The following CARF variants were observed in gnomAD, a reference collection of about 807,000 sequenced individuals.
CARF encodes the protein calcium responsive transcription factor, also known as calcium-responsive transcription factor.
In CARF, 57 loss-of-function variants were observed where a neutral mutation model predicts 82.0. The ratio of observed to expected loss-of-function variants is 0.70; its 90% confidence interval spans 0.56 to 0.87. CARF has a LOEUF of 0.87. CARF is among the 40% of genes least tolerant of loss of function. The probability of loss-of-function intolerance (pLI) is 0.00; values close to 1 mark genes in which losing one functional copy is unlikely to be tolerated. For missense variants in CARF, 771 were observed against 855.8 expected, an observed-to-expected ratio of 0.90 and a Z score of 1.24; for synonymous variants, 268 against 290.1, an observed-to-expected ratio of 0.92 and a Z score of 0.77.
chr2:202,946,605 C>T (rs1311831822), intron 5 of CARF, among the ~76,000 whole-genome samples: 1 of 152,200 alleles, frequency 6.6e-6, no homozygotes, highest in African/African-American at 2.4e-5. Context: ...GACTTCATGA[C>T]TAAAACACCA....
rs773119742 is a variant in CARF, at chr2:202,971,714, T to C, written c.1307T>C (p.Val436Ala). 6.2e-7 allele frequency: 1 copy of C among 1,612,630 alleles called. No individual in the cohort carries two copies. Among genetic ancestry groups the C allele is most frequent in the African/African-American group, 1.3e-5 (1 of 74,898 alleles). Residue 436 changes from valine to alanine, a missense_variant, in exon 12 of 17, where the codon GTG (valine) becomes GCG (alanine). Val to Ala is a moderately conservative substitution (Grantham distance 64, BLOSUM62 0). Transcript: ENST00000438828. ...QELVSQGIEQ[V>A]YAVRKQLRKF... ...TTAGTATCACAGGGAATAGAACAAGTGTATGCAGTAAGGAAACAGCTAAGG... is the reference window on the plus strand; with the variant it reads ...TTAGTATCACAGGGAATAGAACAAGCGTATGCAGTAAGGAAACAGCTAAGG...
intron 1 of CARF, among the ~76,000 whole-genome samples, chr2:202,915,856 C>T (rs1164092115): frequency 6.6e-6 from 1 of 151,624 alleles, no homozygotes; most frequent in Non-Finnish European, 1.5e-5. Flanking sequence ...GATCCGCCCA[C>T]TTTAGACTCC....
chr2:202,917,499 T>C (rs902242525), intron 1 of CARF, among the ~76,000 whole-genome samples: 1 of 152,114 alleles, frequency 6.6e-6, no homozygotes, highest in Admixed American at 6.6e-5. Context: ...AGGTAGGGCA[T>C]GGGGAGAAGA....
At chr2:202,952,724 CATAA>C in intron 6 of CARF, 45 bp downstream of exon 6, 1 of 1,552,710 alleles carries the variant, frequency 6.4e-7, no homozygotes, top group Non-Finnish European at 8.7e-7. Context: ...GTTTTAAAAA[CATAA>C]ATATTTTAGA....
At chr2:202,922,134 A>G (rs185598449) in intron 2 of CARF, among the ~76,000 whole-genome samples, 67 of 152,090 alleles carry the variant, frequency 4.4e-4, no homozygotes, top group Non-Finnish European at 1.3e-4. Context: ...GAGCCCTTAA[A>G]AAGAAATTTT....
At chr2:202,970,939 G>C (rs2059766664) in intron 11 of CARF, among the ~76,000 whole-genome samples, 1 of 151,444 alleles carries the variant, frequency 6.6e-6, no homozygotes, top group Non-Finnish European at 1.5e-5. Flanking sequence ...GCCAGCAGGA[G>C]CTGGGAGTGC....
chr2:202,934,025 T>TA (rs1693462099), intron 3 of CARF, among the ~76,000 whole-genome samples: 2 of 152,034 alleles, frequency 1.3e-5, no homozygotes, highest in Admixed American at 1.3e-4. Context: ...ACACATAAAA[T>TA]ACACTAATGT....
At chr2:202,918,390 G>A (rs1436663828) in intron 2 of CARF, among the ~76,000 whole-genome samples, 2 of 152,022 alleles carry the variant, frequency 1.3e-5, no homozygotes, top group South Asian at 2.1e-4. Flanking sequence ...GCATGGTGGC[G>A]GGCGCCTATA....
At chr2:202,953,498 G>GTTTTTTTTTTTTTTTTTTT (rs67855316) in intron 6 of CARF, among the ~76,000 whole-genome samples, 6 of 70,294 alleles carry the variant, frequency 8.5e-5, no homozygotes, top group Admixed American at 4.8e-4. Flanking sequence ...TTTTTTTGTT[G>GTTTTTTTTTTTTTTTTTTT]TTTTTTTTTT....
At chr2:202,943,879 C>T (rs1025249864) in intron 5 of CARF, among the ~76,000 whole-genome samples, 2 of 152,106 alleles carry the variant, frequency 1.3e-5, no homozygotes, top group African/African-American at 4.8e-5. Flanking sequence ...AACTCCTGAC[C>T]TCGTTATCCA....
At chr2:202,953,941 AG>A in intron 6 of CARF, 63 bp from the exon 7 acceptor site, 2 of 1,362,506 alleles carry the variant, frequency 1.5e-6, no homozygotes, top group Non-Finnish European at 1.9e-6. Context: ...AGTTTTAGTT[AG>A]GTATATTCTT....
At chr2:202,915,267 G>A (rs1160776804) in intron 1 of CARF, among the ~76,000 whole-genome samples, 4 of 151,720 alleles carry the variant, frequency 2.6e-5, no homozygotes, top group Non-Finnish European at 5.9e-5. Context: ...TTCCCACCTC[G>A]GCCTTCAAAA....
intron 10 of CARF, among the ~76,000 whole-genome samples, chr2:202,968,493 A>C (rs2059645943): frequency 6.6e-6 from 1 of 152,082 alleles, no homozygotes; most frequent in Admixed American, 6.6e-5. Flanking sequence ...TGCAATATTA[A>C]CTTTAGGTAA....
In CARF at chr2:202,954,169, T is replaced by C. The variant is rs1221656781; in HGVS notation, c.557+35T>C. The C allele has an allele frequency of 1.9e-6, 3 of 1,592,696 alleles. No individual in the cohort carries two copies. In the Admixed American group the frequency reaches 5.5e-5, roughly 29 times the overall value. On this transcript the variant is annotated intron_variant, in intron 7 of 16. Coordinates refer to ENST00000438828, the MANE Select transcript of CARF (RefSeq NM_024744.17). ...CGGGAAAGAGAAGCTCATCTTTTAA[T>C]ATCACCATGGAAATCTTTTTACAAA...
intron 8 of CARF, among the ~76,000 whole-genome samples, chr2:202,960,709 C>T (rs759300056): frequency 1.4e-4 from 17 of 124,774 alleles, no homozygotes; most frequent in Non-Finnish European, 3.8e-5. Context: ...TTCCCACCTT[C>T]CCGCCTTCCC....
At chr2:202,941,206 C>G (rs72926779) in intron 3 of CARF, among the ~76,000 whole-genome samples, 13,539 of 151,940 alleles carry the variant, frequency 0.089, 738 homozygotes, top group Non-Finnish European at 0.12. Context: ...ATCTTAAAAA[C>G]GAGAAGCAAT....
Position 202,973,870 on chromosome 2 carries a change from G to A in CARF, c.1332-464G>A, listed in dbSNP as rs939833538. On this transcript the variant is annotated intron_variant, in intron 12 of 16. Coordinates refer to ENST00000438828, the MANE Select transcript of CARF (RefSeq NM_024744.17). ...TAGGAGGCCGAGGCGGGCGGATCGCGAGGTTAGGAGATCGAGACCAGCCTA... is the reference window on the plus strand; with the variant it reads ...TAGGAGGCCGAGGCGGGCGGATCGCAAGGTTAGGAGATCGAGACCAGCCTA... Among the ~76,000 whole-genome samples the A allele has an allele frequency of 1.2e-4, 18 of 151,922 alleles. No individual in the cohort carries two copies. In the East Asian group the frequency reaches 2.9e-3, roughly 25 times the overall value.
chr2:202,969,961 T>A lies in CARF; in HGVS notation c.996T>A (p.Val332=). 6.4e-7 allele frequency: 1 copy of A among 1,563,262 alleles called. No homozygotes were observed. Among genetic ancestry groups the A allele is most frequent in the Non-Finnish European group, 8.6e-7 (1 of 1,163,224 alleles). ...KKVQKFPEYR[V]PTDPKIDKKI... The stretch of plus-strand genomic sequence containing the variant: ...TACAGAAGTTTCCTGAATATAGAGT[T>A]CCTACAGACCCCAAAATTGACAAGA... Residue 332 remains valine, a synonymous_variant, in exon 11 of 17, where the codon GTT becomes GTA. Transcript: ENST00000438828.
rs1411505601 is a variant in CARF, at chr2:202,985,278, T to C, written c.*1654T>C. ...GAATATGAGTCACTTTTGGCTTTTCTAAGTCCAGCCTCCCATTCTTAATTG... is the reference window on the plus strand; with the variant it reads ...GAATATGAGTCACTTTTGGCTTTTCCAAGTCCAGCCTCCCATTCTTAATTG... On this transcript the variant is annotated 3_prime_UTR_variant, in exon 17 of 17. Transcript: ENST00000438828. 3 of 152,136 alleles carry C rather than the reference T, an allele frequency of 2.0e-5. No homozygotes were observed. The highest frequency in any genetic ancestry group is 7.2e-5 in the African/African-American group (3 of 41,456). The allele number at this position is 152,136 out of a possible 1,614,324, so 9.4% of individuals were successfully genotyped here.
Sources: allele counts gnomAD v4.1 joint callset (sites outside exome capture counted in the v4.1 genomes callset), GRCh38; gene constraint gnomAD v4.1.1; transcripts MANE v1.5; gene names NCBI Gene and HGNC (gene_info 2026-07-23, HGNC 2026-07-21).